NBAS: variants seen among roughly 807,000 people sequenced by gnomAD.
NBAS encodes the protein NAG/BC035112 fusion.
In NBAS, 219 loss-of-function variants were observed where a neutral mutation model predicts 302.5. That is an observed-to-expected ratio of 0.72 (90% CI 0.65 to 0.81). NBAS has a LOEUF of 0.81. Among genes scored for constraint, NBAS ranks in the 30% least tolerant of loss-of-function variants. NBAS has a pLI of 0.00. For synonymous variants in NBAS, 1,118 were observed against 1,021.6 expected (o/e 1.09, Z -1.80); for missense variants, 2,932 against 2,841.6 (o/e 1.03, Z -0.72).
chr2:14,803,847 A>G, the NBAS span, among the ~76,000 whole-genome samples: 1 of 151,912 alleles, frequency 6.6e-6, no homozygotes, highest in Non-Finnish European at 1.5e-5. Flanking sequence ...ATGGGGTTTC[A>G]CCATTTTGGC....
chr2:15,102,454 TA>T, the NBAS span, among the ~76,000 whole-genome samples: 4 of 152,160 alleles, frequency 2.6e-5, no homozygotes, highest in Non-Finnish European at 5.9e-5. Context: ...AGCAAATACT[TA>T]ACAAGTGCCA....
At chr2:15,221,343 G>A (rs1386661908) in intron 47 of NBAS, among the ~76,000 whole-genome samples, 1 of 152,130 alleles carries the variant, frequency 6.6e-6, no homozygotes, top group African/African-American at 2.4e-5. Context: ...GTGAAATCAA[G>A]ATAACATATA....
chr2:15,217,083 A>G (rs571297419), intron 48 of NBAS, among the ~76,000 whole-genome samples: 1 of 152,336 alleles, frequency 6.6e-6, no homozygotes, highest in South Asian at 2.1e-4. Context: ...TCTAACTTCT[A>G]TGCCCTGTAC....
At chr2:15,121,631 C>A in the NBAS span, among the ~76,000 whole-genome samples, 6 of 152,202 alleles carry the variant, frequency 3.9e-5, no homozygotes, top group East Asian at 1.2e-3. Flanking sequence ...TAAAAGGAAG[C>A]AACAAACCAG....
the NBAS span, among the ~76,000 whole-genome samples, chr2:14,849,593 C>T: frequency 6.8e-6 from 1 of 147,824 alleles, no homozygotes; most frequent in African/African-American, 2.6e-5. Flanking sequence ...CACAAAGATA[C>T]TCCTCGAGAA....
At chr2:15,155,546 G>C in the NBAS span, among the ~76,000 whole-genome samples, 1 of 152,246 alleles carries the variant, frequency 6.6e-6, no homozygotes, top group African/African-American at 2.4e-5. Flanking sequence ...TTTCCTTCCT[G>C]GGAGCTTGGG....
At chr2:15,046,188 A>G in the NBAS span, among the ~76,000 whole-genome samples, 2 of 152,198 alleles carry the variant, frequency 1.3e-5, no homozygotes, top group African/African-American at 4.8e-5. Flanking sequence ...TTCATTGCAA[A>G]GGTGGCAGTA....
chr2:15,246,094 T>C (rs996394373), intron 44 of NBAS, among the ~76,000 whole-genome samples: 9 of 152,248 alleles, frequency 5.9e-5, no homozygotes, highest in Non-Finnish European at 8.8e-5. Flanking sequence ...TGAGAGCCAC[T>C]TGTATATTGA....
the NBAS span, among the ~76,000 whole-genome samples, chr2:14,944,182 C>A: frequency 3.0e-3 from 461 of 152,282 alleles, 3 homozygotes; most frequent in South Asian, 9.5e-3. Flanking sequence ...CGCCTGTAGT[C>A]CCAGCTACGC....
chr2:15,346,066 C>T (rs1673073738), intron 35 of NBAS, among the ~76,000 whole-genome samples: 2 of 152,050 alleles, frequency 1.3e-5, no homozygotes, highest in African/African-American at 4.8e-5. Context: ...AGAAGAAAAC[C>T]TAGGCAATAC....
At chr2:14,848,177 T>C in the NBAS span, among the ~76,000 whole-genome samples, 97 of 151,740 alleles carry the variant, frequency 6.4e-4, 1 homozygote, top group East Asian at 0.013. Context: ...CGGGTTCATC[T>C]CACTAGGGAG....
chr2:14,820,325 T>G, the NBAS span, among the ~76,000 whole-genome samples: 1 of 152,188 alleles, frequency 6.6e-6, no homozygotes, highest in Non-Finnish European at 1.5e-5. Context: ...TGGAGAACTA[T>G]TCAGCCATAA....
the NBAS span, among the ~76,000 whole-genome samples, chr2:14,964,177 A>G: frequency 6.6e-6 from 1 of 152,362 alleles, no homozygotes; most frequent in South Asian, 2.1e-4. Context: ...GCAGAAAAAT[A>G]CTAATCACAA....
the NBAS span, among the ~76,000 whole-genome samples, chr2:14,919,903 G>T: frequency 6.6e-6 from 1 of 152,130 alleles, no homozygotes; most frequent in African/African-American, 2.4e-5. Context: ...ATTCATGAGG[G>T]TTGGAATCAA....
At chr2:15,339,587 G>T (rs995337659) in intron 35 of NBAS, among the ~76,000 whole-genome samples, 5 of 152,122 alleles carry the variant, frequency 3.3e-5, no homozygotes, top group Non-Finnish European at 4.4e-5. Context: ...AATAGTCTCT[G>T]CTACAAAGAA....
the NBAS span, among the ~76,000 whole-genome samples, chr2:14,867,910 C>T: frequency 5.3e-5 from 8 of 152,256 alleles, no homozygotes; most frequent in Middle Eastern, 3.4e-3. Context: ...CTAGTGATCA[C>T]GACAGCCATG....
chr2:14,993,777 T>G, the NBAS span, among the ~76,000 whole-genome samples: 1 of 152,220 alleles, frequency 6.6e-6, no homozygotes, highest in African/African-American at 2.4e-5. Context: ...ATATAATGTA[T>G]TCCCAAGAGA....
At chr2:15,053,192 C>A in the NBAS span, among the ~76,000 whole-genome samples, 1 of 152,150 alleles carries the variant, frequency 6.6e-6, no homozygotes, top group South Asian at 2.1e-4. Context: ...GAAGAAGGTA[C>A]ATTGATTTTA....
chr2:14,974,943 A>T, the NBAS span, among the ~76,000 whole-genome samples: 1 of 152,194 alleles, frequency 6.6e-6, no homozygotes, highest in Non-Finnish European at 1.5e-5. Flanking sequence ...GAGAGATTCA[A>T]AGCACAAGAA....
Sources: gnomAD v4.1 joint callset for allele counts (sites outside exome capture counted in the v4.1 genomes callset) on GRCh38, gnomAD v4.1.1 for gene constraint, MANE v1.5 for transcripts, NCBI Gene and HGNC (gene_info 2026-07-23, HGNC 2026-07-21) for gene names.